The following CELF2 variants were observed in gnomAD, a reference collection of about 807,000 sequenced individuals.
The protein encoded by CELF2 is CUGBP Elav-like family member 2.
Under a neutral mutation model 62.6 loss-of-function variants are expected in CELF2, and 8 were observed. The ratio of observed to expected loss-of-function variants is 0.13; its 90% CI spans 0.07 to 0.23. CELF2 has a LOEUF of 0.23. Ranked by LOEUF, CELF2 falls within the 10% of genes least tolerant of loss-of-function variation. The pLI, the probability that CELF2 is intolerant of heterozygous loss-of-function variation, is 1.00. For missense variants in CELF2, 333 were observed against 671.0 expected, an observed-to-expected ratio of 0.50 and a Z score of 5.56; for synonymous variants, 258 against 250.0, an observed-to-expected ratio of 1.03 and a Z score of -0.30.
chr10:10,847,216 A>G (rs1183015502), intron 1 of CELF2, among the ~76,000 whole-genome samples: 1 of 152,096 alleles, frequency 6.6e-6, no homozygotes. Context: ...ATATATATAT[A>G]TATGCACACA....
In CELF2 at chr10:11,017,877, C is replaced by A. The variant is rs1033062116; in HGVS notation, c.-213C>A. On this transcript the variant is annotated 5_prime_UTR_variant, in exon 1 of 13. Transcript: ENST00000633077. This position sits in a 1 kb window ranked among gnomAD's most constrained non-coding sequence, Gnocchi z 5.5. Reference sequence around the variant, plus strand: ...GCGGGCGCCCCGCGAGCTCCGCCCCCGCCCGCCGCACCTGGCGCTCGGCAG... The same window carrying A: ...GCGGGCGCCCCGCGAGCTCCGCCCCAGCCCGCCGCACCTGGCGCTCGGCAG... 3 of 908,918 alleles carry A rather than the reference C, an allele frequency of 3.3e-6. No homozygotes were observed. The highest frequency in any genetic ancestry group is 3.9e-6 in the Non-Finnish European group (3 of 762,584). The allele number at this position is 908,918 out of a possible 1,614,324, so 56.3% of individuals were successfully genotyped here.
chr10:10,514,201 G>A, the CELF2 span, among the ~76,000 whole-genome samples: 4 of 152,222 alleles, frequency 2.6e-5, no homozygotes, highest in East Asian at 1.9e-4. Flanking sequence ...ACTGTAGAAT[G>A]AGAGATGGTA....
chr10:10,718,206 AAGTG>A, the CELF2 span, among the ~76,000 whole-genome samples: 1 of 152,184 alleles, frequency 6.6e-6, no homozygotes, highest in South Asian at 2.1e-4. Flanking sequence ...CCTTATTTCA[AAGTG>A]AGTGCTATCT....
chr10:11,054,489 T>TGTGTGTGTGTG (rs1554804023), intron 1 of CELF2, among the ~76,000 whole-genome samples: 10 of 149,556 alleles, frequency 6.7e-5, no homozygotes, highest in African/African-American at 2.5e-4. Context: ...GTATGTGTGT[T>TGTGTGTGTGTG]TGTGTGTGTG....
the CELF2 span, among the ~76,000 whole-genome samples, chr10:10,536,781 A>G: frequency 6.6e-6 from 1 of 152,244 alleles, no homozygotes; most frequent in African/African-American, 2.4e-5. Context: ...AAGGGTAAGG[A>G]TGAATTCTTA....
chr10:10,998,037 C>T (rs1414659570), intron 2 of CELF2, among the ~76,000 whole-genome samples: 1 of 152,166 alleles, frequency 6.6e-6, no homozygotes, highest in Non-Finnish European at 1.5e-5. Context: ...AGTTCCTCTG[C>T]ACACGCTCTC....
At chr10:10,950,907 A>C (rs532973921) in intron 2 of CELF2, among the ~76,000 whole-genome samples, 3 of 152,306 alleles carry the variant, frequency 2.0e-5, no homozygotes, top group Admixed American at 2.0e-4. Context: ...TCCACAGAAA[A>C]CACCTTGGCA....
intron 3 of CELF2, among the ~76,000 whole-genome samples, chr10:11,222,571 T>C (rs2065186444): frequency 6.6e-6 from 1 of 152,312 alleles, no homozygotes; most frequent in African/African-American, 2.4e-5. Context: ...TCGGCAACCA[T>C]GTATTGAACG....
At chr10:10,686,131 T>C in the CELF2 span, among the ~76,000 whole-genome samples, 244 of 152,168 alleles carry the variant, frequency 1.6e-3, 2 homozygotes, top group Non-Finnish European at 2.9e-3. Context: ...ATGATTTCGT[T>C]GTTGGCAAAT....
At chr10:11,043,543 G>A (rs1033083603) in intron 1 of CELF2, among the ~76,000 whole-genome samples, 1 of 151,978 alleles carries the variant, frequency 6.6e-6, no homozygotes, top group African/African-American at 2.4e-5. Flanking sequence ...TGCCTACATG[G>A]TTGCATCGCA....
At chr10:11,250,371 A>AG (rs1482513146) in intron 4 of CELF2, among the ~76,000 whole-genome samples, 2 of 152,236 alleles carry the variant, frequency 1.3e-5, no homozygotes, top group African/African-American at 4.8e-5. Flanking sequence ...TTCTCTCTCT[A>AG]GGAGGAGACT....
intron 1 of CELF2, among the ~76,000 whole-genome samples, chr10:11,141,448 C>T (rs1490644876): frequency 6.6e-6 from 1 of 152,164 alleles, no homozygotes; most frequent in East Asian, 1.9e-4. Context: ...CCTGAAAAGC[C>T]TTCATTATTC....
chr10:10,883,051 G>A (rs1188283694), intron 1 of CELF2, among the ~76,000 whole-genome samples: 1 of 152,072 alleles, frequency 6.6e-6, no homozygotes, highest in Non-Finnish European at 1.5e-5. Context: ...GTAGCACCAG[G>A]AGCAAGACTA....
intron 3 of CELF2, among the ~76,000 whole-genome samples, chr10:11,233,015 T>A (rs1192682246): frequency 6.6e-6 from 1 of 152,074 alleles, no homozygotes; most frequent in African/African-American, 2.4e-5. Flanking sequence ...CATGGCACAC[T>A]CTGTAAGTTT....
intron 2 of CELF2, among the ~76,000 whole-genome samples, chr10:11,192,241 C>T (rs1588706747): frequency 6.6e-6 from 1 of 152,256 alleles, no homozygotes. Context: ...GAAACTCGGC[C>T]TCCCGAGTGA....
intron 1 of CELF2, among the ~76,000 whole-genome samples, chr10:11,033,234 A>C (rs1159919835): frequency 6.6e-6 from 1 of 150,964 alleles, no homozygotes; most frequent in Admixed American, 6.6e-5. Flanking sequence ...GTGAATCACA[A>C]ATACTGTCTC....
chr10:11,293,920 A>G (rs987578434), intron 9 of CELF2, among the ~76,000 whole-genome samples: 1 of 152,160 alleles, frequency 6.6e-6, no homozygotes, highest in Non-Finnish European at 1.5e-5. Flanking sequence ...CCTCACAGTG[A>G]CGTTGGCAGG....
intron 1 of CELF2, among the ~76,000 whole-genome samples, chr10:11,151,424 C>G (rs142824324): frequency 2.6e-5 from 4 of 152,126 alleles, no homozygotes; most frequent in Admixed American, 6.5e-5. Context: ...TTGCTGTTGC[C>G]GACAGTTTAT....
rs2093342007 is a variant in CELF2 at position 11,297,771 on chromosome 10, AGG to A, written c.976+9220_976+9221del. ...GTTCCTTGAGGAACTCCCTGAGGCC[AGG>A]AGTTTGAGACCAGCCTGGCCAACAT... On this transcript the variant is annotated intron_variant, in intron 9 of 12. Coordinates refer to ENST00000633077, the MANE Select transcript of CELF2 (RefSeq NM_001326342.2). This position sits in a 1 kb window ranked among gnomAD's most constrained non-coding sequence, Gnocchi z 4.4. Among the ~76,000 whole-genome samples the A allele has an allele frequency of 6.6e-6, 1 of 152,152 alleles. No individual in the cohort carries two copies. Among genetic ancestry groups the A allele is most frequent in the Non-Finnish European group, 1.5e-5 (1 of 68,006 alleles).
Sources: gnomAD v4.1 joint callset for allele counts (sites outside exome capture counted in the v4.1 genomes callset) on GRCh38, gnomAD v4.1.1 for gene constraint, Gnocchi (gnomAD v3.1) non-coding constraint, MANE v1.5 for transcripts, NCBI Gene and HGNC (gene_info 2026-07-23, HGNC 2026-07-21) for gene names.